USH2A: variants seen among roughly 807,000 people sequenced by gnomAD.
The protein encoded by USH2A is usherin, also known as Usher syndrome 2A (autosomal recessive, mild).
USH2A carries 443 observed loss-of-function variants against 538.9 expected under a neutral mutation model. That is an observed-to-expected ratio of 0.82 (90% CI 0.76 to 0.89). USH2A has a LOEUF of 0.89. Ranked by LOEUF, USH2A falls within the 40% of genes least tolerant of loss-of-function variation. The pLI is 0.00. For missense variants in USH2A, 6,633 were observed against 6,324.8 expected, an observed-to-expected ratio of 1.05 and a Z score of -1.65; for synonymous variants, 2,413 against 2,273.5, an observed-to-expected ratio of 1.06 and a Z score of -1.75.
chr1:215,798,787 G>T, intron 50 of USH2A, 120 bp downstream of exon 50: 1 of 1,102,500 alleles, frequency 9.1e-7, no homozygotes, highest in Non-Finnish European at 1.4e-6. Flanking sequence ...CCTAATTATT[G>T]CATTAGATAT....
chr1:215,871,310 A>G (rs1009056200), intron 43 of USH2A, among the ~76,000 whole-genome samples: 12 of 152,226 alleles, frequency 7.9e-5, no homozygotes, highest in South Asian at 2.1e-4. Flanking sequence ...TATTACTCCA[A>G]TGAATTAGAA....
At chr1:215,943,856 C>A (rs563258720) in intron 37 of USH2A, among the ~76,000 whole-genome samples, 213 of 152,238 alleles carry the variant, frequency 1.4e-3, no homozygotes, top group Non-Finnish European at 2.5e-3. Flanking sequence ...TAATATAATT[C>A]ATCTCTGCCT....
At chr1:215,801,805 C>G (rs891137580) in intron 49 of USH2A, among the ~76,000 whole-genome samples, 1 of 152,106 alleles carries the variant, frequency 6.6e-6, no homozygotes, top group African/African-American at 2.4e-5. Flanking sequence ...CAAAAAACTG[C>G]AAATAGTCAA....
chr1:216,174,458 G>A (rs2102640089), intron 21 of USH2A: 1 of 985,390 alleles, frequency 1.0e-6, no homozygotes, highest in South Asian at 4.7e-5. Flanking sequence ...AAGGCCAGGA[G>A]GAGGGTAAGG....
At chr1:215,975,727 A>G (rs934842016) in intron 35 of USH2A, among the ~76,000 whole-genome samples, 1 of 152,122 alleles carries the variant, frequency 6.6e-6, no homozygotes, top group Non-Finnish European at 1.5e-5. Context: ...GCCTTATAGT[A>G]TAGTTTGAAG....
chr1:216,248,466 A>T (rs2036095191), intron 12 of USH2A, among the ~76,000 whole-genome samples: 1 of 152,014 alleles, frequency 6.6e-6, no homozygotes, highest in South Asian at 2.1e-4. Flanking sequence ...ATTAATCTTA[A>T]AATAAGAGTC....
intron 26 of USH2A, among the ~76,000 whole-genome samples, chr1:216,082,707 T>C (rs114915376): frequency 0.048 from 7,364 of 152,154 alleles, 249 homozygotes; most frequent in Middle Eastern, 0.1. Flanking sequence ...TAGAGAAATG[T>C]ATAAAAATGT....
intron 32 of USH2A, among the ~76,000 whole-genome samples, chr1:216,032,742 T>C (rs1018624517): frequency 1.3e-5 from 2 of 152,058 alleles, no homozygotes; most frequent in African/African-American, 4.8e-5. Context: ...GAGGGAGCCA[T>C]GTGAAAGGAC....
chr1:215,689,472 T>C (rs1658531984), intron 61 of USH2A, among the ~76,000 whole-genome samples: 1 of 152,228 alleles, frequency 6.6e-6, no homozygotes, highest in South Asian at 2.1e-4. Context: ...CTGCAATGAA[T>C]CATGCCCTTG....
At chr1:215,713,031 T>C (rs1659383660) in intron 61 of USH2A, among the ~76,000 whole-genome samples, 1 of 152,126 alleles carries the variant, frequency 6.6e-6, no homozygotes, top group Non-Finnish European at 1.5e-5. Context: ...GATCTCAAAC[T>C]CCCGACCTCA....
In USH2A at chr1:215,754,742, TG is replaced by T. The variant is rs554951997; in HGVS notation, c.11389+3852del. Reference sequence around the variant, plus strand: ...TGTTGGGTGGCATTCAAAGCCATCCTGGGCTTTAGGTTGGATAAGCTTGCTT... The same window carrying T: ...TGTTGGGTGGCATTCAAAGCCATCCTGGCTTTAGGTTGGATAAGCTTGCTT... On this transcript the variant is annotated intron_variant, in intron 58 of 71. Coordinates refer to ENST00000307340, the MANE Select transcript of USH2A (RefSeq NM_206933.4). 3.7e-4 allele frequency among the ~76,000 whole-genome samples: 56 copies of T among 152,334 alleles called. No homozygotes were observed. The South Asian group carries it at 5.8e-3, about 16-fold the overall frequency.
intron 38 of USH2A, among the ~76,000 whole-genome samples, chr1:215,913,807 C>A (rs1264021729): frequency 1.3e-5 from 2 of 151,806 alleles, no homozygotes; most frequent in Non-Finnish European, 2.9e-5. Flanking sequence ...TTTCTGGCTA[C>A]TTGATTCCAT....
rs4375237 is a variant in USH2A, at chr1:215,680,558, G to C, written c.12067-182C>G. Among the ~76,000 whole-genome samples, 39,499 of 151,676 alleles carry C rather than the reference G, an allele frequency of 0.26. 5,557 individuals carry two copies. The highest frequency in any genetic ancestry group is 0.52 in the South Asian group (2,519 of 4,810). On this transcript the variant is annotated intron_variant, in intron 61 of 71. Coordinates refer to ENST00000307340, the MANE Select transcript of USH2A (RefSeq NM_206933.4). Reference sequence around the variant, plus strand: ...ATTTTTTCTTATTCTTGTTGACACCGTGAATATATTACCCAATGTTGTATG... The same window carrying C: ...ATTTTTTCTTATTCTTGTTGACACCCTGAATATATTACCCAATGTTGTATG...
intron 66 of USH2A, among the ~76,000 whole-genome samples, chr1:215,648,035 C>T (rs1224344643): frequency 1.3e-5 from 2 of 152,190 alleles, no homozygotes; most frequent in African/African-American, 4.8e-5. Context: ...AGAGGAGAGA[C>T]ATAAATGGTT....
intron 32 of USH2A, among the ~76,000 whole-genome samples, chr1:216,002,062 G>A (rs1571879213): frequency 6.6e-6 from 1 of 152,180 alleles, no homozygotes; most frequent in East Asian, 1.9e-4. Context: ...GCATTGCCAG[G>A]GACTGCTGAG....
intron 24 of USH2A, 60 bp downstream of exon 24, chr1:216,086,659 T>C: frequency 7.7e-7 from 1 of 1,291,132 alleles, no homozygotes. Flanking sequence ...TTTAAAATAA[T>C]GTAAACAGGT....
rs55713064 is a variant in USH2A, at chr1:215,878,724, G to T, written c.8558+40C>A. 15,780 of 1,592,782 alleles carry T rather than the reference G, an allele frequency of 9.9e-3. 104 individuals carry two copies. The highest frequency in any genetic ancestry group is 0.013 in the Middle Eastern group (76 of 5,762). On this transcript the variant is annotated intron_variant, in intron 42 of 71. Transcript: ENST00000307340. ...ATTTCCCTACTTCTCAGAGAGATAAGGACTACAGCAACATAAAAATCATAG... is the reference window on the plus strand; with the variant it reads ...ATTTCCCTACTTCTCAGAGAGATAATGACTACAGCAACATAAAAATCATAG...
At chr1:215,944,111 C>T (rs866654860) in intron 37 of USH2A, among the ~76,000 whole-genome samples, 5 of 152,002 alleles carry the variant, frequency 3.3e-5, no homozygotes, top group South Asian at 2.1e-4. Flanking sequence ...AATGTATAAA[C>T]GAGTTATAAT....
intron 11 of USH2A, among the ~76,000 whole-genome samples, chr1:216,258,895 G>A (rs554534375): frequency 1.3e-5 from 2 of 152,220 alleles, no homozygotes; most frequent in South Asian, 2.1e-4. Flanking sequence ...ACAACATTCA[G>A]AGAGAATTTT....
Sources: allele counts gnomAD v4.1 joint callset (sites outside exome capture counted in the v4.1 genomes callset), GRCh38; gene constraint gnomAD v4.1.1; transcripts MANE v1.5; gene names NCBI Gene and HGNC (gene_info 2026-07-23, HGNC 2026-07-21).